INTS1: variants seen among roughly 807,000 people sequenced by gnomAD.
INTS1 encodes the protein integrator complex subunit 1.
In INTS1, 137 loss-of-function variants were observed where a neutral mutation model predicts 241.6. That is an observed-to-expected ratio of 0.57 (90% CI 0.49 to 0.65). The LOEUF (loss-of-function observed/expected upper bound fraction) is 0.65, where lower values mean the gene tolerates loss of function less well. Ranked by LOEUF, INTS1 falls within the 30% of genes least tolerant of loss-of-function variation. INTS1 has a pLI of 0.00. For missense variants in INTS1, 3,073 were observed against 3,032.2 expected (o/e 1.01, Z -0.32); for synonymous variants, 1,692 against 1,337.8 (o/e 1.26, Z -5.78).
intron 24 of INTS1, among the ~76,000 whole-genome samples, 181 bp from the exon 25 acceptor site, chr7:1,484,351 G>T (rs557282464): frequency 2.0e-5 from 3 of 152,176 alleles, no homozygotes; most frequent in East Asian, 1.9e-4. Flanking sequence ...GACTCTCCAG[G>T]GGGGAGGGAG....
At chr7:1,485,860 T>G (rs1782236628) in intron 22 of INTS1, among the ~76,000 whole-genome samples, 1 of 152,206 alleles carries the variant, frequency 6.6e-6, no homozygotes. Context: ...TAGGCTGGAG[T>G]GCAGTGGTGT....
At chr7:1,475,892 C>T in intron 39 of INTS1, 56 bp downstream of exon 39, 1 of 1,515,410 alleles carries the variant, frequency 6.6e-7, no homozygotes. Context: ...CCCTCCCTCC[C>T]TGCCCGGCCA....
At chr7:1,487,623 G>T in intron 19 of INTS1, 137 bp downstream of exon 19, 2 of 1,282,776 alleles carry the variant, frequency 1.6e-6, no homozygotes, top group Non-Finnish European at 2.2e-6. Flanking sequence ...GGGACGCGGG[G>T]ACGGGGCTCC....
At chr7:1,472,087 G>C (rs1488047792) in intron 44 of INTS1, among the ~76,000 whole-genome samples, 186 bp downstream of exon 44, 1 of 152,162 alleles carries the variant, frequency 6.6e-6, no homozygotes. Context: ...AGCTCCCCTG[G>C]GCCCCTGAGT....
Position 1,487,390 on chromosome 7 carries a change from G to A in INTS1, c.2576C>T (p.Ser859Phe), listed in dbSNP as rs772252456. The A allele has an allele frequency of 4.3e-6, 7 of 1,611,990 alleles. 1 individual carries two copies. Among genetic ancestry groups the A allele is most frequent in the Middle Eastern group, 1.7e-4 (1 of 6,042 alleles). Residue 859 changes from serine to phenylalanine, a missense_variant, in exon 20 of 48, where the codon TCC (serine) becomes TTC (phenylalanine). Ser to Phe is a radical substitution (Grantham distance 155). Transcript: ENST00000404767. ...GCACAAGAGGTGCCCGAGGCGGAGG[G>A]ACTGGTTGAGGCTTTTCACTTGATC... ...ILDQVKSLNQ[S>F]LRLGHLLCRS...
At position 1,476,309 on chromosome 7, in the gene INTS1, G is replaced by T; in HGVS notation, c.5298C>A (p.Leu1766=). 1 of 1,588,460 alleles carries T rather than the reference G, an allele frequency of 6.3e-7. No homozygotes were observed. Residue 1766 remains leucine, a synonymous_variant, in exon 38 of 48, where the codon CTC becomes CTA. Coordinates refer to ENST00000404767, the MANE Select transcript of INTS1 (RefSeq NM_001080453.3). ...SLIQARLPLL[L]SCCCGDDESV... Reference sequence around the variant, plus strand: ...TCTCATCGTCCCCACAGCAGCAGCTGAGCAGCAGGGGCAGCCGGGCCTGGA... The same window carrying T: ...TCTCATCGTCCCCACAGCAGCAGCTTAGCAGCAGGGGCAGCCGGGCCTGGA...
In INTS1 at chr7:1,502,978, C is replaced by A; in HGVS notation, c.272G>T (p.Arg91Leu). 6.2e-7 allele frequency: 1 copy of A among 1,613,710 alleles called. No individual in the cohort carries two copies. Reference protein sequence around the residue: ...SSTPPLSALGRLAEAAVAEKR... With the variant: ...SSTPPLSALGLLAEAAVAEKR... ...TTCTGCCACTGCAGCCTCAGCCAGG[C>A]GCCCCAGGGCACTCAGAGGGGGTGT... Residue 91 changes from arginine to leucine, a missense_variant, in exon 3 of 48, where the codon CGC becomes CTC. Transcript: ENST00000404767.
rs1783062579 is a variant in INTS1 at position 1,499,721 on chromosome 7, C to T, written c.685-89G>A. On this transcript the variant is annotated intron_variant, in intron 5 of 47. Coordinates refer to ENST00000404767, the MANE Select transcript of INTS1 (RefSeq NM_001080453.3). The stretch of plus-strand genomic sequence containing the variant: ...CGCCTGCTGCCCGGGGACTGGGTGC[C>T]CAGGCGGCCCTCTCCAGCTTCTGGG... 2.7e-6 allele frequency: 4 copies of T among 1,487,774 alleles called. No individual in the cohort carries two copies. In the South Asian group the frequency reaches 5.3e-5, roughly 20 times the overall value. 92.2% of individuals were successfully genotyped at this position (1,487,774 alleles called of 1,614,324 possible). A position where few individuals can be genotyped will look rare whatever the true frequency, so the allele number is the denominator to read the frequency against.
In INTS1 at chr7:1,476,231, G is replaced by C; in HGVS notation, c.5376C>G (p.Asp1792Glu). ...HLSGCIQQWG[D>E]SVLGRRCRDL... ...CTGGGGCCGGGGGGCCTGAGCACCTGTCTCCCCACTGCTGGATGCAGCCTG... is the reference window on the plus strand; with the variant it reads ...CTGGGGCCGGGGGGCCTGAGCACCTCTCTCCCCACTGCTGGATGCAGCCTG... The change falls in exon 38 of 48, where the codon GAC becomes GAG. Residue 1792 changes from aspartate to glutamate, a missense_variant and splice_region_variant. By Grantham distance (45) the Asp-to-Glu change is conservative (BLOSUM62 2). Transcript: ENST00000404767. The C allele has an allele frequency of 6.4e-7, 1 of 1,551,946 alleles. No homozygotes were observed. The highest frequency in any genetic ancestry group is 8.7e-7 in the Non-Finnish European group (1 of 1,149,244).
At chr7:1,478,037 T>C (rs928877878) in intron 33 of INTS1, 101 bp from the exon 34 acceptor site, 3 of 996,078 alleles carry the variant, frequency 3.0e-6, no homozygotes, top group Non-Finnish European at 4.7e-6. Flanking sequence ...TGAGCATGTG[T>C]GGGACACAAG....
At position 1,476,210 on chromosome 7, in the gene INTS1, G is replaced by C. The variant is rs907097140; in HGVS notation, c.5378+19C>G. Reference sequence around the variant, plus strand: ...TGGCTCACTCCCAGGCAGCATCTGGGGCCGGGGGGCCTGAGCACCTGTCTC... The same window carrying C: ...TGGCTCACTCCCAGGCAGCATCTGGCGCCGGGGGGCCTGAGCACCTGTCTC... On this transcript the variant is annotated intron_variant, in intron 38 of 47. Coordinates refer to ENST00000404767, the MANE Select transcript of INTS1 (RefSeq NM_001080453.3). 1.9e-6 allele frequency: 3 copies of C among 1,543,716 alleles called. No individual in the cohort carries two copies. Among genetic ancestry groups the C allele is most frequent in the Non-Finnish European group, 2.6e-6 (3 of 1,145,520 alleles).
At chr7:1,479,407 G>T (rs775189005) in intron 31 of INTS1, 23 bp downstream of exon 31, 11 of 1,556,374 alleles carry the variant, frequency 7.1e-6, no homozygotes, top group South Asian at 1.2e-5. Flanking sequence ...CTCCTCCCCC[G>T]CAAGAGGCCC....
At chr7:1,498,624 C>T (rs1299362566) in intron 9 of INTS1, 71 bp from the exon 10 acceptor site, 29 of 1,572,804 alleles carry the variant, frequency 1.8e-5, no homozygotes, top group African/African-American at 9.5e-5. Flanking sequence ...GCCCCCACTC[C>T]GCCCGCACCC....
rs1429715898 is a variant in INTS1, at chr7:1,481,753, G to A, written c.3704-265C>T. Among the ~76,000 whole-genome samples the A allele has an allele frequency of 5.3e-5, 8 of 150,924 alleles. No individual in the cohort carries two copies. The highest frequency in any genetic ancestry group is 1.2e-4 in the Non-Finnish European group (8 of 67,648). On this transcript the variant is annotated intron_variant, in intron 27 of 47. Coordinates refer to ENST00000404767, the MANE Select transcript of INTS1 (RefSeq NM_001080453.3). The surrounding 1 kb of genome is among the most constrained non-coding windows in gnomAD (Gnocchi z 6.8). ...AGCCCCACCCGAGACCTGGGGCAGT[G>A]CACACTCGGCAGCCCCACCTGAGAC...
chr7:1,501,701 G>A (rs979234701), intron 3 of INTS1, among the ~76,000 whole-genome samples: 1 of 152,182 alleles, frequency 6.6e-6, no homozygotes, highest in Admixed American at 6.5e-5. Context: ...GGCACCAGCT[G>A]CCCAGGGACA....
intron 25 of INTS1, 39 bp downstream of exon 25, chr7:1,483,964 T>C (rs1025190911): frequency 1.3e-6 from 2 of 1,594,446 alleles, no homozygotes; most frequent in South Asian, 1.1e-5. Context: ...GCCGTAGACC[T>C]CCTCGCCCTC....
At chr7:1,498,636 C>T (rs1422333705) in intron 9 of INTS1, 71 bp downstream of exon 9, 43 of 1,530,450 alleles carry the variant, frequency 2.8e-5, no homozygotes, top group Admixed American at 1.6e-4. Flanking sequence ...CCCGCACCCC[C>T]GCTCCGCCCA....
intron 14 of INTS1, 148 bp downstream of exon 14, chr7:1,494,668 C>T (rs1782757419): frequency 1.3e-6 from 1 of 765,828 alleles, no homozygotes; most frequent in Admixed American, 2.1e-5. Flanking sequence ...AAGGGTGGCA[C>T]CCAGGATTGT....
At chr7:1,480,797 G>A (rs554496010) in intron 29 of INTS1, 38 bp downstream of exon 29, 2 of 1,495,142 alleles carry the variant, frequency 1.3e-6, no homozygotes, top group South Asian at 2.4e-5. Context: ...CCCCTCCCCA[G>A]GCTGGGTCTC....
Sources: gnomAD v4.1 joint callset for allele counts (sites outside exome capture counted in the v4.1 genomes callset) on GRCh38, gnomAD v4.1.1 for gene constraint, Gnocchi (gnomAD v3.1) non-coding constraint, MANE v1.5 for transcripts, NCBI Gene and HGNC (gene_info 2026-07-23, HGNC 2026-07-21) for gene names.